The following NYAP2 variants were observed in gnomAD, a reference collection of about 807,000 sequenced individuals.
NYAP2 encodes the protein neuronal tyrosine-phosphorylated phosphoinositide-3-kinase adaptor 2, also known as neuronal tyrosine-phosphorylated phosphoinositide-3-kinase adapter 2.
A neutral mutation model predicts 50.4 loss-of-function variants in NYAP2; 23 were observed. The observed-to-expected ratio is 0.46, with a 90% CI of 0.33 to 0.65. The LOEUF (loss-of-function observed/expected upper bound fraction) is 0.65, where lower values mean the gene tolerates loss of function less well. Ranked by LOEUF, NYAP2 falls within the 30% of genes least tolerant of loss-of-function variation. NYAP2 has a pLI of 0.02. For synonymous variants in NYAP2, 394 were observed against 365.2 expected, an observed-to-expected ratio of 1.08 and a Z score of -0.90; for missense variants, 885 against 861.0, an observed-to-expected ratio of 1.03 and a Z score of -0.35.
intron 4 of NYAP2, among the ~76,000 whole-genome samples, chr2:225,577,515 A>G (rs1384180540): frequency 6.6e-6 from 1 of 152,132 alleles, no homozygotes; most frequent in African/African-American, 2.4e-5. Context: ...TTATGGGACA[A>G]TGTTATCTGA....
chr2:225,400,701 C>A (rs1335552839), exon 2 of NYAP2: 1 of 152,136 alleles, frequency 6.6e-6, no homozygotes, highest in East Asian at 1.9e-4. Context: ...CATCCCCACC[C>A]ATTAGCTATG....
chr2:225,475,401 T>C (rs1490355522), intron 3 of NYAP2, among the ~76,000 whole-genome samples: 1 of 152,230 alleles, frequency 6.6e-6, no homozygotes, highest in African/African-American at 2.4e-5. Flanking sequence ...CTCTGTAATG[T>C]TAGTTAATGA....
intron 3 of NYAP2, among the ~76,000 whole-genome samples, chr2:225,497,807 T>C (rs1431222172): frequency 1.3e-5 from 2 of 152,194 alleles, no homozygotes; most frequent in Non-Finnish European, 2.9e-5. Context: ...AGTGTCTTTT[T>C]CTATAGACAC....
At chr2:225,510,705 A>G (rs1267846904) in intron 3 of NYAP2, among the ~76,000 whole-genome samples, 1 of 152,134 alleles carries the variant, frequency 6.6e-6, no homozygotes, top group Non-Finnish European at 1.5e-5. Flanking sequence ...AGCCTGGTCA[A>G]ACTAAACTTG....
intron 3 of NYAP2, among the ~76,000 whole-genome samples, chr2:225,423,429 A>G (rs1695244058): frequency 6.6e-6 from 1 of 152,210 alleles, no homozygotes; most frequent in African/African-American, 2.4e-5. Flanking sequence ...TTTGAGACAG[A>G]CTGTGATTTA....
At chr2:225,678,575 C>T in the NYAP2 span, among the ~76,000 whole-genome samples, 2 of 151,992 alleles carry the variant, frequency 1.3e-5, no homozygotes, top group Non-Finnish European at 2.9e-5. Flanking sequence ...AGTCCTTTTT[C>T]TAAAATCTTA....
At chr2:225,548,672 A>C (rs1320333173) in intron 4 of NYAP2, among the ~76,000 whole-genome samples, 2 of 152,178 alleles carry the variant, frequency 1.3e-5, no homozygotes, top group Non-Finnish European at 2.9e-5. Context: ...TCTGATAAGG[A>C]AGGGAATAAA....
intron 3 of NYAP2, among the ~76,000 whole-genome samples, chr2:225,422,797 A>G (rs1695236104): frequency 6.6e-6 from 1 of 152,170 alleles, no homozygotes; most frequent in Non-Finnish European, 1.5e-5. Context: ...ACAAAGTAAC[A>G]GAACGCTTCC....
At chr2:225,519,958 G>A (rs1435663398) in intron 4 of NYAP2, among the ~76,000 whole-genome samples, 2 of 152,162 alleles carry the variant, frequency 1.3e-5, no homozygotes, top group East Asian at 1.9e-4. Context: ...TTTAATGATT[G>A]CCATTCTAAC....
At chr2:225,551,615 T>C (rs1276070299) in intron 4 of NYAP2, among the ~76,000 whole-genome samples, 1 of 152,122 alleles carries the variant, frequency 6.6e-6, no homozygotes, top group African/African-American at 2.4e-5. Flanking sequence ...CTTTGTAGGC[T>C]CTTTTGTTCT....
intron 3 of NYAP2, among the ~76,000 whole-genome samples, chr2:225,505,960 C>A (rs1690696847): frequency 6.6e-6 from 1 of 151,956 alleles, no homozygotes; most frequent in South Asian, 2.1e-4. Flanking sequence ...CTGATTGGAC[C>A]ACCTTGAGGC....
At chr2:225,659,327 TC>T in the NYAP2 span, among the ~76,000 whole-genome samples, 5 of 152,304 alleles carry the variant, frequency 3.3e-5, no homozygotes, top group East Asian at 7.7e-4. Flanking sequence ...TATTCAGGGT[TC>T]TTAGGTGAAG....
intron 5 of NYAP2, among the ~76,000 whole-genome samples, chr2:225,621,413 A>T (rs1248096990): frequency 1.3e-5 from 2 of 152,170 alleles, no homozygotes; most frequent in Non-Finnish European, 2.9e-5. Context: ...TACATGACAT[A>T]CCTAATGTAG....
chr2:225,525,652 G>T (rs544144845), intron 4 of NYAP2, among the ~76,000 whole-genome samples: 1 of 152,230 alleles, frequency 6.6e-6, no homozygotes, highest in South Asian at 2.1e-4. Flanking sequence ...GGTGAGGGCT[G>T]AAAAATCATC....
At chr2:225,622,399 C>A (rs1693120295) in intron 5 of NYAP2, among the ~76,000 whole-genome samples, 1 of 152,178 alleles carries the variant, frequency 6.6e-6, no homozygotes, top group East Asian at 1.9e-4. Flanking sequence ...CAAATGCCCT[C>A]TTCCTGCCCC....
chr2:225,630,773 G>A (rs984197943), intron 6 of NYAP2, among the ~76,000 whole-genome samples: 3 of 152,184 alleles, frequency 2.0e-5, no homozygotes, highest in African/African-American at 7.2e-5. Context: ...TTTACATCAT[G>A]GAACACCCAA....
intron 3 of NYAP2, among the ~76,000 whole-genome samples, chr2:225,438,099 G>A (rs2106138656): frequency 6.6e-6 from 1 of 152,288 alleles, no homozygotes; most frequent in East Asian, 1.9e-4. Context: ...AAGGTTAGAT[G>A]TTGAGTATGT....
chr2:225,589,516 A>AAAAAAAATAT (rs112700820), intron 5 of NYAP2, among the ~76,000 whole-genome samples: 1 of 71,356 alleles, frequency 1.4e-5, no homozygotes, highest in African/African-American at 5.5e-5. Context: ...CTAAAAGTAA[A>AAAAAAAATAT]ATATATATAT....
chr2:225,432,466 G>C (rs1439208177), intron 3 of NYAP2, among the ~76,000 whole-genome samples: 5 of 149,232 alleles, frequency 3.4e-5, no homozygotes, highest in Non-Finnish European at 5.9e-5. Flanking sequence ...CTATTATATA[G>C]CTATATAAAT....
Sources: allele counts gnomAD v4.1 joint callset (sites outside exome capture counted in the v4.1 genomes callset), GRCh38; gene constraint gnomAD v4.1.1; transcripts MANE v1.5; gene names NCBI Gene and HGNC (gene_info 2026-07-23, HGNC 2026-07-21).